Variants in PRKN observed in about 807,000 individuals in gnomAD.
PRKN encodes the protein E3 ubiquitin-protein ligase parkin.
In PRKN, 56 loss-of-function variants were observed where a neutral mutation model predicts 59.5. That is an observed-to-expected ratio of 0.94 (90% CI 0.76 to 1.18). PRKN has a LOEUF of 1.18. Among genes scored for constraint, PRKN ranks in the 50% most tolerant of loss-of-function variants. The pLI, the probability that PRKN is intolerant of heterozygous loss-of-function variation, is 0.00. For missense variants in PRKN, 657 were observed against 596.4 expected (o/e 1.10, Z -1.06); for synonymous variants, 250 against 222.1 (o/e 1.13, Z -1.12).
Position 161,460,724 on chromosome 6 carries a change from A to C in PRKN, c.1084-73847T>G, listed in dbSNP as rs1218032884. ...AGTTCATTTACAGTCCTGCCTGTCA[A>C]GATCCCACACACCAACCAAGAGTTA... On this transcript the variant is annotated intron_variant, in intron 9 of 11. Transcript: ENST00000366898. This position sits in a 1 kb window ranked among gnomAD's most constrained non-coding sequence, Gnocchi z 5.0. 6.6e-6 allele frequency among the ~76,000 whole-genome samples: 1 copy of C among 151,912 alleles called. No individual in the cohort carries two copies. The highest frequency in any genetic ancestry group is 1.5e-5 in the Non-Finnish European group (1 of 67,996).
intron 7 of PRKN, among the ~76,000 whole-genome samples, chr6:161,766,038 T>G (rs1340151024): frequency 6.6e-6 from 1 of 152,232 alleles, no homozygotes; most frequent in Admixed American, 6.5e-5. Context: ...ATTAATAAAC[T>G]AGTTTCCCTC....
intron 7 of PRKN, among the ~76,000 whole-genome samples, chr6:161,678,216 C>CTTTTTA (rs1785159992): frequency 1.5e-5 from 1 of 64,940 alleles, no homozygotes; most frequent in African/African-American, 7.9e-5. Context: ...TACTGAATCA[C>CTTTTTA]TTTTTTTTTT....
chr6:161,479,410 T>C (rs1206790547), intron 9 of PRKN, among the ~76,000 whole-genome samples: 1 of 152,226 alleles, frequency 6.6e-6, no homozygotes, highest in East Asian at 1.9e-4. Context: ...CTTTTTATGT[T>C]AACTTTCTAC....
chr6:161,714,969 C>G (rs924196250), intron 7 of PRKN, among the ~76,000 whole-genome samples: 1 of 152,114 alleles, frequency 6.6e-6, no homozygotes, highest in African/African-American at 2.4e-5. Flanking sequence ...CTTAAGGATG[C>G]CATATTTGAA....
At chr6:161,724,206 G>A (rs893376687) in intron 7 of PRKN, among the ~76,000 whole-genome samples, 4 of 152,174 alleles carry the variant, frequency 2.6e-5, no homozygotes, top group Non-Finnish European at 1.5e-5. Context: ...ACTGCAGAGG[G>A]GAACGGCTGA....
chr6:161,710,866 T>A (rs1375206268), intron 7 of PRKN, among the ~76,000 whole-genome samples: 1 of 49,784 alleles, frequency 2.0e-5, no homozygotes, highest in Non-Finnish European at 4.4e-5. Context: ...CCCTTCCCTT[T>A]CCTTCCTTCC....
chr6:162,115,797 G>A (rs1453138290), intron 4 of PRKN, among the ~76,000 whole-genome samples: 1 of 152,168 alleles, frequency 6.6e-6, no homozygotes. Context: ...CTTCCCAGCT[G>A]TAACTGGCAG....
At chr6:162,430,360 T>A (rs1412447035) in intron 2 of PRKN, among the ~76,000 whole-genome samples, 1 of 152,172 alleles carries the variant, frequency 6.6e-6, no homozygotes, top group African/African-American at 2.4e-5. Flanking sequence ...CATTAACTAA[T>A]GCACCAAAGG....
chr6:162,481,782 A>G (rs1425455166), intron 1 of PRKN, among the ~76,000 whole-genome samples: 1 of 152,154 alleles, frequency 6.6e-6, no homozygotes, highest in African/African-American at 2.4e-5. Context: ...TAAATTAAAC[A>G]TGAATCCAGT....
chr6:162,541,839 G>GA (rs1282914047), intron 1 of PRKN, among the ~76,000 whole-genome samples: 1 of 151,968 alleles, frequency 6.6e-6, no homozygotes, highest in African/African-American at 2.4e-5. Context: ...TGTCTAGCAA[G>GA]AGAGTCTGGC....
chr6:162,054,212 A>G, intron 4 of PRKN, 38 bp from the exon 5 acceptor site: 1 of 1,196,672 alleles, frequency 8.4e-7, no homozygotes, highest in Non-Finnish European at 1.3e-6. Context: ...TATATGAGTT[A>G]TAATAGAAAT....
intron 7 of PRKN, among the ~76,000 whole-genome samples, chr6:161,705,002 G>A (rs1055760688): frequency 7.2e-5 from 11 of 152,172 alleles, no homozygotes; most frequent in East Asian, 1.9e-4. Flanking sequence ...AGGCACTGGC[G>A]TTTCTTAAAG....
intron 6 of PRKN, among the ~76,000 whole-genome samples, chr6:161,830,979 A>G (rs1562323381): frequency 6.6e-6 from 1 of 152,102 alleles, no homozygotes. Context: ...GTCATCAAAA[A>G]CACAGGCTGG....
intron 5 of PRKN, among the ~76,000 whole-genome samples, chr6:162,053,635 T>C (rs1297021625): frequency 6.6e-6 from 1 of 152,054 alleles, no homozygotes; most frequent in Non-Finnish European, 1.5e-5. Context: ...TAGTCCACTA[T>C]GTCAGAAAAT....
chr6:162,032,429 A>C (rs1352789730), intron 5 of PRKN, among the ~76,000 whole-genome samples: 1 of 152,136 alleles, frequency 6.6e-6, no homozygotes, highest in Non-Finnish European at 1.5e-5. Context: ...GAACATTTTA[A>C]AATCAGGAGA....
chr6:162,230,710 A>G (rs923167530), intron 3 of PRKN, among the ~76,000 whole-genome samples: 4 of 152,174 alleles, frequency 2.6e-5, no homozygotes, highest in Admixed American at 2.0e-4. Flanking sequence ...AGAGAATCCC[A>G]TTCTTGCTTT....
chr6:162,602,467 G>C (rs1781750101), intron 1 of PRKN, among the ~76,000 whole-genome samples: 1 of 152,196 alleles, frequency 6.6e-6, no homozygotes. Flanking sequence ...AGAATTAAGA[G>C]TTTGTTGTGA....
intron 9 of PRKN, among the ~76,000 whole-genome samples, chr6:161,476,674 A>T (rs1359372311): frequency 6.6e-6 from 1 of 152,208 alleles, no homozygotes; most frequent in Non-Finnish European, 1.5e-5. Flanking sequence ...CAGAAGACCC[A>T]CCGATTTGTT....
chr6:162,390,106 T>C (rs1389706433), intron 2 of PRKN, among the ~76,000 whole-genome samples: 2 of 152,114 alleles, frequency 1.3e-5, no homozygotes, highest in Non-Finnish European at 2.9e-5. Flanking sequence ...GCGCCAATGT[T>C]CATTTCCCGT....
Sources: gnomAD v4.1 joint callset for allele counts (sites outside exome capture counted in the v4.1 genomes callset) on GRCh38, gnomAD v4.1.1 for gene constraint, Gnocchi (gnomAD v3.1) non-coding constraint, MANE v1.5 for transcripts, NCBI Gene and HGNC (gene_info 2026-07-23, HGNC 2026-07-21) for gene names.